DAB2: variants seen among roughly 807,000 people sequenced by gnomAD.
DAB2 encodes disabled homolog 2.
In DAB2, 28 loss-of-function variants were observed where a neutral mutation model predicts 71.6. That is an observed-to-expected ratio of 0.39 (90% CI 0.29 to 0.54). The LOEUF is 0.54. DAB2 is among the 20% of genes least tolerant of loss of function. The probability of loss-of-function intolerance (pLI) is 0.68; values close to 1 mark genes in which losing one functional copy is unlikely to be tolerated. For missense variants in DAB2, 867 were observed against 928.8 expected, an observed-to-expected ratio of 0.93 and a Z score of 0.86; for synonymous variants, 345 against 339.7, an observed-to-expected ratio of 1.02 and a Z score of -0.17.
At chr5:39,423,762 T>A (rs1011971947) in intron 1 of DAB2, 1 of 152,198 alleles carries the variant, frequency 6.6e-6, no homozygotes, top group Non-Finnish European at 1.5e-5. Context: ...TTTCATGAAG[T>A]CACTTTATAG....
rs1288247327 is a variant in DAB2, at chr5:39,377,158, G to A, written c.1629C>T (p.Pro543=). 7.4e-6 allele frequency: 12 copies of A among 1,613,904 alleles called. No homozygotes were observed. The highest frequency in any genetic ancestry group is 6.7e-5 in the Admixed American group (4 of 59,982). ...CAGCTGGACTTGTACCAAAAATGAC[G>A]GGCTGACTAAAACCTGAAGGTTGAC... is the stretch of plus-strand genomic sequence containing the variant. ...MGGQPSGFSQ[P]VIFGTSPAVS... The change falls in exon 12 of 15, where the codon CCC becomes CCT. Residue 543 remains proline (P), a synonymous_variant. Coordinates refer to ENST00000320816, the MANE Select transcript of DAB2 (RefSeq NM_001343.4).
intron 1 of DAB2, among the ~76,000 whole-genome samples, chr5:39,397,389 C>T (rs1051897519): frequency 3.9e-5 from 6 of 152,128 alleles, no homozygotes; most frequent in South Asian, 2.1e-4. Context: ...TTTGATGGTT[C>T]CAATGTCTTA....
At chr5:39,376,298 T>C (rs1356925529) in intron 12 of DAB2, among the ~76,000 whole-genome samples, 192 bp from the exon 13 acceptor site, 2 of 152,194 alleles carry the variant, frequency 1.3e-5, no homozygotes, top group African/African-American at 4.8e-5. Context: ...TGCATATTTA[T>C]CTGAAGTGGA....
intron 1 of DAB2, among the ~76,000 whole-genome samples, chr5:39,415,930 T>G (rs1315977229): frequency 6.6e-6 from 1 of 152,174 alleles, no homozygotes; most frequent in Admixed American, 6.5e-5. Flanking sequence ...ACAACAGTAC[T>G]GTCTGCAGCT....
intron 1 of DAB2, among the ~76,000 whole-genome samples, chr5:39,424,290 G>A (rs912416084): frequency 2.0e-5 from 3 of 152,050 alleles, no homozygotes; most frequent in Admixed American, 6.5e-5. Flanking sequence ...AGGAATGCCG[G>A]TGTAAGACAA....
At chr5:39,398,567 T>C (rs62358424) in intron 1 of DAB2, among the ~76,000 whole-genome samples, 3,987 of 152,238 alleles carry the variant, frequency 0.026, 64 homozygotes, top group South Asian at 0.046. Context: ...TGAGTTGCAA[T>C]AGCCAAGGGT....
At chr5:39,418,358 A>G (rs1201134752) in intron 1 of DAB2, 3 of 152,228 alleles carry the variant, frequency 2.0e-5, no homozygotes, top group African/African-American at 7.2e-5. Context: ...AAATGGTAAC[A>G]AAAAGCACGT....
Position 39,396,512 on chromosome 5 carries a change from T to A in DAB2, c.-101-2091A>T, listed in dbSNP as rs368181548. The stretch of plus-strand genomic sequence containing the variant: ...TTCATGCAGATGGTAATGAGGGCAG[T>A]TGTAGCTATGCGTATTTTCTTCCTT... On this transcript the variant is annotated intron_variant, in intron 1 of 14. Coordinates refer to ENST00000320816, the MANE Select transcript of DAB2 (RefSeq NM_001343.4). Among the ~76,000 whole-genome samples the A allele has an allele frequency of 1.4e-3, 207 of 152,366 alleles. 11 individuals carry two copies. In the South Asian group the frequency reaches 0.04, roughly 29 times the overall value.
At chr5:39,416,361 G>T (rs1007950831) in intron 1 of DAB2, among the ~76,000 whole-genome samples, 2 of 152,104 alleles carry the variant, frequency 1.3e-5, no homozygotes, top group Non-Finnish European at 2.9e-5. Context: ...GGTTGTAACT[G>T]ATCTCCCTTT....
At chr5:39,411,505 G>A (rs1755728727) in intron 1 of DAB2, among the ~76,000 whole-genome samples, 1 of 152,120 alleles carries the variant, frequency 6.6e-6, no homozygotes, top group Non-Finnish European at 1.5e-5. Flanking sequence ...TTCTTACTAT[G>A]GTCATTAAAT....
At chr5:39,404,644 T>C (rs1216893978) in intron 1 of DAB2, among the ~76,000 whole-genome samples, 1 of 151,852 alleles carries the variant, frequency 6.6e-6, no homozygotes, top group South Asian at 2.1e-4. Context: ...AGTGGCATGA[T>C]CTCAGCTCAC....
intron 1 of DAB2, among the ~76,000 whole-genome samples, chr5:39,398,547 A>G (rs1330068168): frequency 2.0e-5 from 3 of 152,186 alleles, no homozygotes; most frequent in Non-Finnish European, 4.4e-5. Context: ...AAGAAAATGG[A>G]TGTGTATGTT....
chr5:39,417,735 T>G (rs563142428), intron 1 of DAB2: 1 of 152,320 alleles, frequency 6.6e-6, no homozygotes, highest in Admixed American at 6.5e-5. Flanking sequence ...TACTATCAAC[T>G]TTTAGTCATT....
chr5:39,374,742 C>T (rs1165191340), intron 14 of DAB2: 1 of 348,872 alleles, frequency 2.9e-6, no homozygotes, highest in African/African-American at 2.2e-5. Context: ...TTACTTCCCA[C>T]ACAGAACTGA....
intron 1 of DAB2, among the ~76,000 whole-genome samples, chr5:39,415,208 G>A (rs1755819928): frequency 1.3e-5 from 2 of 152,084 alleles, no homozygotes; most frequent in South Asian, 4.1e-4. Flanking sequence ...CACAAATTGA[G>A]GGGATATTTA....
intron 1 of DAB2, among the ~76,000 whole-genome samples, chr5:39,398,992 A>G (rs1326340767): frequency 2.0e-5 from 3 of 152,164 alleles, no homozygotes; most frequent in Non-Finnish European, 4.4e-5. Flanking sequence ...GAATTTAAAA[A>G]AGGGATTGGG....
At chr5:39,407,998 C>T (rs1347882959) in intron 1 of DAB2, among the ~76,000 whole-genome samples, 1 of 152,194 alleles carries the variant, frequency 6.6e-6, no homozygotes, top group African/African-American at 2.4e-5. Flanking sequence ...TCTTTAATAG[C>T]CTGGCTAAAT....
intron 1 of DAB2, among the ~76,000 whole-genome samples, chr5:39,413,422 C>G (rs778419883): frequency 1.3e-5 from 2 of 152,010 alleles, no homozygotes; most frequent in Non-Finnish European, 2.9e-5. Context: ...ATTCTAAGAT[C>G]GATTTCATCA....
At chr5:39,390,639 C>A in intron 4 of DAB2, 64 bp from the exon 5 acceptor site, 1 of 1,320,264 alleles carries the variant, frequency 7.6e-7, no homozygotes, top group South Asian at 1.3e-5. Context: ...GGCTAGCACA[C>A]CGAAGCCTCA....
Sources: gnomAD v4.1 joint callset for allele counts (sites outside exome capture counted in the v4.1 genomes callset) on GRCh38, gnomAD v4.1.1 for gene constraint, MANE v1.5 for transcripts, NCBI Gene and HGNC (gene_info 2026-07-23, HGNC 2026-07-21) for gene names.